The following TULP4 variants were observed in gnomAD, a reference collection of about 807,000 sequenced individuals.
TULP4 encodes the protein TUB like protein 4.
In TULP4, 16 loss-of-function variants were observed where a neutral mutation model predicts 129.0. That is an observed-to-expected ratio of 0.12 (90% confidence interval 0.08 to 0.19). The LOEUF (loss-of-function observed/expected upper bound fraction) is 0.19. Among genes scored for constraint, TULP4 ranks in the 10% least tolerant of loss-of-function variants. The pLI is 1.00. For missense variants in TULP4, 1,842 were observed against 2,059.1 expected, an observed-to-expected ratio of 0.89 and a Z score of 2.04; for synonymous variants, 998 against 854.0, an observed-to-expected ratio of 1.17 and a Z score of -2.94.
At chr6:158,491,428 TCTTTCTTTCTTTC>T in intron 9 of TULP4, among the ~76,000 whole-genome samples, 1 of 127,220 alleles carries the variant, frequency 7.9e-6, no homozygotes, top group Non-Finnish European at 1.8e-5. Context: ...TTTCTTTCTT[TCTTTCTTTCTTTC>T]TTTTCTTTCT....
intron 4 of TULP4, among the ~76,000 whole-genome samples, chr6:158,450,594 C>G (rs1044479875): frequency 2.6e-5 from 4 of 152,044 alleles, no homozygotes; most frequent in Non-Finnish European, 5.9e-5. Context: ...TTAACCATCC[C>G]CTTTCCTAAT....
At chr6:158,374,495 A>T (rs897293065) in intron 1 of TULP4, among the ~76,000 whole-genome samples, 2 of 152,202 alleles carry the variant, frequency 1.3e-5, no homozygotes, top group African/African-American at 4.8e-5. Context: ...CGGATCAGGG[A>T]GGAGACTTGT....
At position 158,423,126 on chromosome 6, in the gene TULP4, G is replaced by A. The variant is rs1002445147; in HGVS notation, c.382-6610G>A. ...ACCCCTTCCTCCACAAAAAAGAGGG[G>A]GGGGGGGGGAAAGAAACCTTCCCAG... On this transcript the variant is annotated intron_variant, in intron 2 of 13. Transcript: ENST00000367097. Among the ~76,000 whole-genome samples, 13 of 149,526 alleles carry A rather than the reference G, an allele frequency of 8.7e-5. 1 individual carries two copies. Among genetic ancestry groups the A allele is most frequent in the East Asian group, 1.9e-4 (1 of 5,182 alleles).
rs11435476 is a variant in TULP4 at position 158,504,349 on chromosome 6, AT to A, written c.4515+182del. On this transcript the variant is annotated intron_variant, in intron 13 of 13. Coordinates refer to ENST00000367097, the MANE Select transcript of TULP4 (RefSeq NM_020245.5). The stretch of plus-strand genomic sequence containing the variant: ...TTTAGTGTGCCCACTGCTGTCTTGT[AT>A]TTTTTTTTTTCTTTTTGAGACCGTC... Among the ~76,000 whole-genome samples the A allele has an allele frequency of 2.5e-3, 372 of 146,934 alleles. 4 individuals carry two copies. The highest frequency in any genetic ancestry group is 0.024 in the East Asian group (120 of 4,988).
At chr6:158,301,001 C>T (rs1003864476) in intron 1 of TULP4, among the ~76,000 whole-genome samples, 2 of 152,064 alleles carry the variant, frequency 1.3e-5, no homozygotes, top group East Asian at 1.9e-4. Context: ...ACATGGGTCC[C>T]AGTAGAGTGG....
intron 1 of TULP4, chr6:158,238,143 C>T (rs1313520099): frequency 1.3e-6 from 1 of 752,074 alleles, no homozygotes; most frequent in Non-Finnish European, 2.5e-6. Flanking sequence ...CTCCTCTCTG[C>T]TTCTCAATAT....
intron 6 of TULP4, among the ~76,000 whole-genome samples, chr6:158,467,241 T>C (rs1779572982): frequency 6.6e-6 from 1 of 151,072 alleles, no homozygotes; most frequent in South Asian, 2.1e-4. Context: ...GCCACCCTCA[T>C]CTTAGCTGCA....
intron 1 of TULP4, among the ~76,000 whole-genome samples, chr6:158,407,458 T>C (rs1165397814): frequency 6.6e-6 from 1 of 152,112 alleles, no homozygotes; most frequent in Non-Finnish European, 1.5e-5. Context: ...CTGTAGTTCC[T>C]CAAAAAGTTG....
Position 158,392,794 on chromosome 6 carries a change from CTTTTTTTTTTTT to C in TULP4, c.253-20257_253-20246del, listed in dbSNP as rs773565295. Among the ~76,000 whole-genome samples the C allele has an allele frequency of 1.5e-4, 8 of 54,650 alleles. 1 individual carries two copies. In the East Asian group the frequency reaches 2.7e-3, roughly 18 times the overall value. The allele number at this position is 54,650 out of a possible 152,430, so 35.9% of individuals were successfully genotyped here. On this transcript the variant is annotated intron_variant, in intron 1 of 13. Coordinates refer to ENST00000367097, the MANE Select transcript of TULP4 (RefSeq NM_020245.5). ...GTACCTATTGTTTAAATTTGTATTT[CTTTTTTTTTTTT>C]TTTTTTTTTTTTTGAGATGGAGTCT...
At chr6:158,375,489 G>A (rs1389935749) in intron 1 of TULP4, among the ~76,000 whole-genome samples, 2 of 152,202 alleles carry the variant, frequency 1.3e-5, no homozygotes. Flanking sequence ...TGAGGAGGAT[G>A]AGAAGGGTGT....
chr6:158,253,438 G>C (rs1778181879), intron 1 of TULP4, among the ~76,000 whole-genome samples: 1 of 152,188 alleles, frequency 6.6e-6, no homozygotes, highest in African/African-American at 2.4e-5. Flanking sequence ...AAAACTAAGA[G>C]ATGGAGAGGG....
intron 2 of TULP4, among the ~76,000 whole-genome samples, chr6:158,424,662 C>T (rs567074371): frequency 1.3e-5 from 2 of 152,184 alleles, no homozygotes; most frequent in African/African-American, 4.8e-5. Context: ...GAGAAAAAAG[C>T]GTACATGTTC....
chr6:158,508,749 G>A lies in TULP4; in HGVS notation c.*2055G>A, dbSNP rs1780660758. The A allele has an allele frequency of 6.6e-6, 1 of 152,268 alleles. No individual in the cohort carries two copies. Among genetic ancestry groups the A allele is most frequent in the Non-Finnish European group, 1.5e-5 (1 of 67,990 alleles). 9.4% of individuals were successfully genotyped at this position (152,268 alleles called of 1,614,324 possible). On this transcript the variant is annotated 3_prime_UTR_variant, in exon 14 of 14. Coordinates refer to ENST00000367097, the MANE Select transcript of TULP4 (RefSeq NM_020245.5). ...ATCTTGCTTTTCATAGTGTTCTTAG[G>A]AATTATTTTGTTGTTACGTTTTGGT...
At chr6:158,433,987 GTCTCA>G (rs1778694740) in intron 3 of TULP4, among the ~76,000 whole-genome samples, 1 of 152,150 alleles carries the variant, frequency 6.6e-6, no homozygotes. Context: ...GTGTTGGCAG[GTCTCA>G]TTTCTCCTGA....
intron 11 of TULP4, among the ~76,000 whole-genome samples, chr6:158,495,643 G>T (rs1780320364): frequency 6.6e-6 from 1 of 152,142 alleles, no homozygotes; most frequent in Non-Finnish European, 1.5e-5. Context: ...GGGAGTTTGA[G>T]ACCAGCCTGA....
intron 12 of TULP4, among the ~76,000 whole-genome samples, chr6:158,500,372 G>A (rs966143069): frequency 3.3e-5 from 5 of 152,212 alleles, no homozygotes; most frequent in Admixed American, 2.6e-4. Context: ...GGAGAGTTAT[G>A]TCTTACTAGG....
chr6:158,268,008 T>G (rs968191347), intron 1 of TULP4, among the ~76,000 whole-genome samples: 13 of 110,682 alleles, frequency 1.2e-4, no homozygotes, highest in African/African-American at 3.9e-4. Context: ...TGATCTTTTC[T>G]TTTCTTTTCT....
chr6:158,236,156 G>A (rs894055686), intron 1 of TULP4, among the ~76,000 whole-genome samples: 6 of 152,236 alleles, frequency 3.9e-5, no homozygotes, highest in Non-Finnish European at 8.8e-5. Flanking sequence ...AAAGGGAAAT[G>A]TAGGTAAATG....
At chr6:158,454,645 G>A (rs929761498) in intron 5 of TULP4, among the ~76,000 whole-genome samples, 1 of 143,194 alleles carries the variant, frequency 7.0e-6, no homozygotes, top group African/African-American at 2.6e-5. Flanking sequence ...TGCTCTTGTT[G>A]CCCAGGCTGG....
Sources: gnomAD v4.1 joint callset for allele counts (sites outside exome capture counted in the v4.1 genomes callset) on GRCh38, gnomAD v4.1.1 for gene constraint, MANE v1.5 for transcripts, NCBI Gene and HGNC (gene_info 2026-07-23, HGNC 2026-07-21) for gene names.